AGAP3: variants seen among roughly 807,000 people sequenced by gnomAD.
AGAP3 encodes arf-GAP with GTPase, ANK repeat and PH domain-containing protein 3.
In AGAP3, 24 loss-of-function variants were observed where a neutral mutation model predicts 96.9. That is an observed-to-expected ratio of 0.25 (90% CI 0.18 to 0.35). AGAP3 has a LOEUF of 0.35. AGAP3 is among the 10% of genes least tolerant of loss of function. The pLI is 1.00. For synonymous variants in AGAP3, 563 were observed against 536.1 expected (o/e 1.05, Z -0.69); for missense variants, 876 against 1,254.2 (o/e 0.70, Z 4.55).
chr7:151,120,848 C>T (rs1799847747), intron 8 of AGAP3: 3 of 1,156,104 alleles, frequency 2.6e-6, no homozygotes, highest in Non-Finnish European at 2.2e-6. Context: ...GCCTCTGGCT[C>T]TCAGGCCCCA....
At chr7:151,130,724 G>A (rs1260998644) in intron 10 of AGAP3, among the ~76,000 whole-genome samples, 1 of 152,146 alleles carries the variant, frequency 6.6e-6, no homozygotes, top group Admixed American at 6.5e-5. Flanking sequence ...CGGTGCAAAA[G>A]CACGAGTGGA....
intron 9 of AGAP3, chr7:151,128,297 C>T: frequency 2.3e-6 from 1 of 430,982 alleles, no homozygotes; most frequent in Non-Finnish European, 4.3e-6. Flanking sequence ...ACAGGCTTCT[C>T]CTGTCGAGGT....
Position 151,108,584 on chromosome 7 carries a change from G to T in AGAP3, c.332-8209G>T, listed in dbSNP as rs751009423. The stretch of plus-strand genomic sequence containing the variant: ...CGGGCCTCAGAGCAGCCTTCGGAGG[G>T]TCCCAAGGATGTAGGCTGGGTCCTA... On this transcript the variant is annotated intron_variant, in intron 1 of 17. Transcript: ENST00000397238. The surrounding 1 kb of genome is among the most constrained non-coding windows in gnomAD (Gnocchi z 4.2). 1.3e-5 allele frequency among the ~76,000 whole-genome samples: 2 copies of T among 152,234 alleles called. No homozygotes were observed. The highest frequency in any genetic ancestry group is 2.9e-5 in the Non-Finnish European group (2 of 68,048).
chr7:151,116,081 C>T (rs989109823), intron 1 of AGAP3, among the ~76,000 whole-genome samples: 1 of 152,186 alleles, frequency 6.6e-6, no homozygotes, highest in African/African-American at 2.4e-5. Context: ...AGAGCTAGCC[C>T]GAGCACCCAT....
Position 151,140,187 on chromosome 7 carries a change from TA to T in AGAP3, c.1804+73del. The T allele has an allele frequency of 7.4e-7, 1 of 1,353,118 alleles. No individual in the cohort carries two copies. The highest frequency in any genetic ancestry group is 9.6e-7 in the Non-Finnish European group (1 of 1,046,022). 83.8% of individuals were successfully genotyped at this position (1,353,118 alleles called of 1,614,324 possible). ...GGACTTGGGGATAGTACCCTAAAAG[TA>T]ACACCTATTTTTTATTTTTTGTATT... On this transcript the variant is annotated intron_variant, in intron 13 of 17. Coordinates refer to ENST00000397238, the MANE Select transcript of AGAP3 (RefSeq NM_031946.7). This position sits in a 1 kb window ranked among gnomAD's most constrained non-coding sequence, Gnocchi z 5.4.
intron 1 of AGAP3, among the ~76,000 whole-genome samples, chr7:151,107,048 G>T (rs1394780623): frequency 6.6e-6 from 1 of 152,142 alleles, no homozygotes; most frequent in African/African-American, 2.4e-5. Flanking sequence ...GGTGGCTCAC[G>T]CCTGTAATCC....
rs1800931667 is a variant in AGAP3, at chr7:151,144,156, A to G, written c.*213A>G. ...GATGAGGGATTTAGCCCTCTGCCCT[A>G]AGGTGCCATTGAAAAGGGACAGGAC... On this transcript the variant is annotated 3_prime_UTR_variant, in exon 18 of 18. Coordinates refer to ENST00000397238, the MANE Select transcript of AGAP3 (RefSeq NM_031946.7). 3 of 619,624 alleles carry G rather than the reference A, an allele frequency of 4.8e-6. No homozygotes were observed. The highest frequency in any genetic ancestry group is 8.4e-6 in the Non-Finnish European group (3 of 358,770). 38.4% of individuals were successfully genotyped at this position (619,624 alleles called of 1,614,324 possible).
Position 151,137,808 on chromosome 7 carries a change from C to T in AGAP3, c.1496-335C>T, listed in dbSNP as rs1172946773. On this transcript the variant is annotated intron_variant, in intron 11 of 17. Coordinates refer to ENST00000397238, the MANE Select transcript of AGAP3 (RefSeq NM_031946.7). ...GTGCAGGGGCCCAAGCCAGGAGGGG[C>T]CCCTCAAGGAGCACTGCGGCGATGG... 1.1e-5 allele frequency: 4 copies of T among 359,340 alleles called. No homozygotes were observed. The South Asian group carries it at 1.9e-4, about 17-fold the overall frequency. The allele number at this position is 359,340 out of a possible 1,614,324, so 22.3% of individuals were successfully genotyped here.
In AGAP3 at chr7:151,128,531, A is replaced by T. The variant is rs755369161; in HGVS notation, c.1222-49A>T. The T allele has an allele frequency of 9.0e-6, 14 of 1,548,514 alleles. No individual in the cohort carries two copies. The South Asian group carries it at 1.5e-4, about 16-fold the overall frequency. ...CGACATCGTGACCTCCTCATGCCCT[A>T]TGACCTAGGGGGCTGGCTCCTGGTT... is the stretch of plus-strand genomic sequence containing the variant. On this transcript the variant is annotated intron_variant, in intron 9 of 17. Coordinates refer to ENST00000397238, the MANE Select transcript of AGAP3 (RefSeq NM_031946.7).
At chr7:151,128,255 C>T (rs1039960821) in intron 9 of AGAP3, 14 of 312,482 alleles carry the variant, frequency 4.5e-5, no homozygotes, top group South Asian at 1.6e-4. Flanking sequence ...TCTACACCTC[C>T]GATCATCTAC....
chr7:151,094,842 C>T (rs2150410196), intron 1 of AGAP3, among the ~76,000 whole-genome samples: 1 of 151,552 alleles, frequency 6.6e-6, no homozygotes, highest in African/African-American at 2.4e-5. Flanking sequence ...CCCTTCCCTC[C>T]TTCCCTCTGT....
chr7:151,091,685 G>C (rs1042185719), intron 1 of AGAP3, among the ~76,000 whole-genome samples: 1 of 152,212 alleles, frequency 6.6e-6, no homozygotes, highest in Admixed American at 6.5e-5. Flanking sequence ...TCAGAAGCCA[G>C]AACAGGAAGA....
intron 1 of AGAP3, among the ~76,000 whole-genome samples, chr7:151,093,730 G>A (rs1008060630): frequency 1.6e-4 from 24 of 152,326 alleles, no homozygotes; most frequent in African/African-American, 5.5e-4. Flanking sequence ...GGAGGCTCCC[G>A]TGTTCATTTG....
intron 8 of AGAP3, chr7:151,120,593 G>A (rs1185734547): frequency 7.8e-7 from 1 of 1,289,946 alleles, no homozygotes; most frequent in Admixed American, 2.3e-5. Flanking sequence ...TAGAGTCAGA[G>A]CCCAGGCCTC....
Position 151,143,562 on chromosome 7 carries a change from T to C in AGAP3, c.2495T>C (p.Met832Thr). Residue 832 changes from methionine to threonine, a missense_variant, in exon 17 of 18, where the codon ATG becomes ACG. By Grantham distance (81) the Met-to-Thr change is moderately conservative (BLOSUM62 -1). This residue lies in a region of AGAP3 where 213 missense variants were observed against 253.8 expected (regional missense o/e 0.84). Transcript: ENST00000397238. This position sits in a 1 kb window ranked among gnomAD's most constrained non-coding sequence, Gnocchi z 5.9. ...GRTALHLSSA[M>T]ANVVFTQLLI... Reference sequence around the variant, plus strand: ...ACGGCTCTACATCTCTCCAGTGCCATGGCCAACGTTGTCTTCACGCAGCTG... The same window carrying C: ...ACGGCTCTACATCTCTCCAGTGCCACGGCCAACGTTGTCTTCACGCAGCTG... The C allele has an allele frequency of 1.2e-6, 2 of 1,609,218 alleles. No homozygotes were observed. Among genetic ancestry groups the C allele is most frequent in the South Asian group, 1.1e-5 (1 of 90,574 alleles).
At chr7:151,089,360 C>T (rs764811958) in intron 1 of AGAP3, among the ~76,000 whole-genome samples, 6 of 152,172 alleles carry the variant, frequency 3.9e-5, no homozygotes, top group Non-Finnish European at 7.3e-5. Flanking sequence ...AGCCCTCCAC[C>T]CCCAGCCCCA....
At chr7:151,113,196 C>T (rs1193377368) in intron 1 of AGAP3, among the ~76,000 whole-genome samples, 1 of 152,322 alleles carries the variant, frequency 6.6e-6, no homozygotes, top group African/African-American at 2.4e-5. Flanking sequence ...AGCTCAGTGA[C>T]GTTGGCCGGC....
At chr7:151,087,188 G>A (rs1798192514) in intron 1 of AGAP3, 116 bp downstream of exon 1, 2 of 1,122,938 alleles carry the variant, frequency 1.8e-6, no homozygotes, top group Non-Finnish European at 2.6e-6. Flanking sequence ...TTGCGCGCTT[G>A]AGGACCAGGC....
chr7:151,104,264 T>C (rs778105285), intron 1 of AGAP3, among the ~76,000 whole-genome samples: 1 of 152,238 alleles, frequency 6.6e-6, no homozygotes, highest in Non-Finnish European at 1.5e-5. Flanking sequence ...CCCACTCTTA[T>C]CTTTAGTGTC....
Sources: gnomAD v4.1 joint callset for allele counts (sites outside exome capture counted in the v4.1 genomes callset) on GRCh38, gnomAD v4.1.1 for gene constraint, gnomAD v4.1.1 regional missense constraint, Gnocchi (gnomAD v3.1) non-coding constraint, MANE v1.5 for transcripts, NCBI Gene and HGNC (gene_info 2026-07-23, HGNC 2026-07-21) for gene names.